Variants in TAFA5 observed in about 807,000 individuals in gnomAD.
TAFA5 encodes chemokine-like protein TAFA-5.
TAFA5 carries 6 observed loss-of-function variants against 15.3 expected under a neutral mutation model. That is an observed-to-expected ratio of 0.39 (90% CI 0.21 to 0.77). TAFA5 has a LOEUF of 0.77. TAFA5 is among the 30% of genes least tolerant of loss of function. TAFA5 has a pLI of 0.41. For missense variants in TAFA5, 161 were observed against 193.1 expected, an observed-to-expected ratio of 0.83 and a Z score of 0.98; for synonymous variants, 103 against 80.7, an observed-to-expected ratio of 1.28 and a Z score of -1.48.
chr22:48,615,143 A>T (rs56768617), intron 1 of TAFA5, among the ~76,000 whole-genome samples: 7,125 of 152,192 alleles, frequency 0.047, 546 homozygotes, highest in African/African-American at 0.16. Context: ...TCCTGAACCC[A>T]GGCTGCCTGG....
At chr22:48,705,493 G>A (rs895070654) in intron 2 of TAFA5, among the ~76,000 whole-genome samples, 1 of 152,210 alleles carries the variant, frequency 6.6e-6, no homozygotes, top group Non-Finnish European at 1.5e-5. Context: ...TGACCCCAGG[G>A]CCTGTGCCCT....
chr22:48,523,242 G>A (rs1030514083), intron 1 of TAFA5, among the ~76,000 whole-genome samples: 1 of 152,220 alleles, frequency 6.6e-6, no homozygotes, highest in Admixed American at 6.5e-5. Flanking sequence ...CTTGGCTCCT[G>A]TGCTCCCTGG....
chr22:48,528,070 C>G (rs1458121006), intron 1 of TAFA5, among the ~76,000 whole-genome samples: 1 of 152,188 alleles, frequency 6.6e-6, no homozygotes, highest in African/African-American at 2.4e-5. Context: ...GCCGCCTGGG[C>G]CCCCCGGGGC....
At chr22:48,620,187 G>A (rs748179997) in intron 1 of TAFA5, among the ~76,000 whole-genome samples, 3 of 151,936 alleles carry the variant, frequency 2.0e-5, no homozygotes, top group Non-Finnish European at 2.9e-5. Context: ...TCCTCTCCTC[G>A]TGCCCACTGC....
chr22:48,684,604 T>C (rs6010586), intron 2 of TAFA5, among the ~76,000 whole-genome samples: 13,250 of 152,182 alleles, frequency 0.087, 1,920 homozygotes, highest in African/African-American at 0.3. Flanking sequence ...GTAAGCACCT[T>C]GGCCCCTTTC....
chr22:48,674,703 A>C (rs914432594), intron 2 of TAFA5, among the ~76,000 whole-genome samples: 9 of 152,134 alleles, frequency 5.9e-5, no homozygotes, highest in Non-Finnish European at 1.2e-4. Context: ...GCCCTCGTTC[A>C]GGGAGACGCC....
chr22:48,686,854 AATGG>A (rs1928371659), intron 2 of TAFA5, among the ~76,000 whole-genome samples: 1 of 143,568 alleles, frequency 7.0e-6, no homozygotes, highest in South Asian at 2.3e-4. Context: ...TGGATGGACT[AATGG>A]ATGGATGGAT....
intron 3 of TAFA5, among the ~76,000 whole-genome samples, chr22:48,738,281 CT>C (rs2147271789): frequency 6.6e-6 from 1 of 152,298 alleles, no homozygotes; most frequent in South Asian, 2.1e-4. Context: ...AGATATAGCT[CT>C]CAGCAGTGAA....
chr22:48,492,561 G>A (rs999702667), intron 1 of TAFA5, among the ~76,000 whole-genome samples: 1 of 152,146 alleles, frequency 6.6e-6, no homozygotes, highest in Non-Finnish European at 1.5e-5. Context: ...GGGCTCCACC[G>A]TCTGGCCGGA....
intron 1 of TAFA5, chr22:48,543,755 G>A (rs1922552313): frequency 6.6e-6 from 1 of 152,336 alleles, no homozygotes; most frequent in Non-Finnish European, 1.5e-5. Flanking sequence ...AGTATCTCTG[G>A]GACCTGTGGC....
chr22:48,577,811 C>T (rs576677935), intron 1 of TAFA5, among the ~76,000 whole-genome samples: 3 of 152,310 alleles, frequency 2.0e-5, no homozygotes, highest in South Asian at 4.1e-4. Context: ...GACTCTGCTG[C>T]GGGCTTGGCC....
In TAFA5 at chr22:48,550,151, G is replaced by T. The variant is rs1922809242; in HGVS notation, c.112+60447G>T. Among the ~76,000 whole-genome samples the T allele has an allele frequency of 6.6e-6, 1 of 152,236 alleles. No homozygotes were observed. Among genetic ancestry groups the T allele is most frequent in the South Asian group, 2.1e-4 (1 of 4,834 alleles). On this transcript the variant is annotated intron_variant, in intron 1 of 3. Transcript: ENST00000402357. The surrounding 1 kb of genome is among the most constrained non-coding windows in gnomAD (Gnocchi z 4.1). ...TGGGCATGGGTGTAGCAGCCTGTGT[G>T]TGTCCACCCGAGGTGGCCCTGCCCT...
chr22:48,498,428 A>T (rs891494537), intron 1 of TAFA5, among the ~76,000 whole-genome samples: 3 of 152,034 alleles, frequency 2.0e-5, no homozygotes, highest in Non-Finnish European at 4.4e-5. Flanking sequence ...AGTTTGATTA[A>T]TAATAATAAT....
At chr22:48,746,821 A>G (rs927690354) in intron 3 of TAFA5, among the ~76,000 whole-genome samples, 8 of 152,114 alleles carry the variant, frequency 5.3e-5, no homozygotes, top group African/African-American at 1.9e-4. Context: ...TCCTCAGCAG[A>G]GGGTCAGCCT....
At chr22:48,536,983 C>T (rs977352186) in intron 1 of TAFA5, among the ~76,000 whole-genome samples, 3 of 152,194 alleles carry the variant, frequency 2.0e-5, no homozygotes, top group African/African-American at 7.2e-5. Context: ...GGGACGGGGG[C>T]TCCCTCTGGA....
intron 1 of TAFA5, among the ~76,000 whole-genome samples, chr22:48,586,936 C>G (rs1319582737): frequency 6.6e-6 from 1 of 152,226 alleles, no homozygotes; most frequent in Non-Finnish European, 1.5e-5. Flanking sequence ...TGCGGGGCAG[C>G]CAAAAGGCAC....
chr22:48,613,762 GC>G (rs1925497616), intron 1 of TAFA5, among the ~76,000 whole-genome samples: 1 of 152,202 alleles, frequency 6.6e-6, no homozygotes, highest in African/African-American at 2.4e-5. Flanking sequence ...CTGATGCAAG[GC>G]CATGCTGACG....
At chr22:48,722,172 C>G (rs890713929) in intron 3 of TAFA5, among the ~76,000 whole-genome samples, 43 of 152,166 alleles carry the variant, frequency 2.8e-4, no homozygotes, top group Non-Finnish European at 8.8e-5. Context: ...TAAAAGCGTT[C>G]CTATTTCTCC....
At position 48,489,622 on chromosome 22, in the gene TAFA5, G is replaced by A. The variant is rs1225937505; in HGVS notation, c.30G>A (p.Arg10=). Residue 10 remains arginine, a synonymous_variant, in exon 1 of 4, where the codon CGG becomes CGA. Coordinates refer to ENST00000402357, the MANE Select transcript of TAFA5 (RefSeq NM_001082967.3). This position sits in a 1 kb window ranked among gnomAD's most constrained non-coding sequence, Gnocchi z 5.5. MAPSPRTGS[R]QDATALPSMS... is the part of the protein sequence containing the mutation. ...CGCCATCGCCCAGGACCGGCAGCCG[G>A]CAAGATGCGACCGCCCTGCCCAGCA... 6.6e-7 allele frequency: 1 copy of A among 1,508,926 alleles called. No homozygotes were observed. The highest frequency in any genetic ancestry group is 1.2e-5 in the South Asian group (1 of 80,936). The allele number at this position is 1,508,926 out of a possible 1,614,324, so 93.5% of individuals were successfully genotyped here. A position where few individuals can be genotyped will look rare whatever the true frequency, so the allele number is the denominator to read the frequency against.
Sources: allele counts gnomAD v4.1 joint callset (sites outside exome capture counted in the v4.1 genomes callset), GRCh38; gene constraint gnomAD v4.1.1; non-coding constraint Gnocchi (gnomAD v3.1); transcripts MANE v1.5; gene names NCBI Gene and HGNC (gene_info 2026-07-23, HGNC 2026-07-21).